Variants in SPMIP11 observed in about 807,000 individuals in gnomAD.
SPMIP11 encodes the protein long intergenic non-protein coding RNA 935.
chr12:48,744,262 A>G, the SPMIP11 span, among the ~76,000 whole-genome samples: 2 of 150,584 alleles, frequency 1.3e-5, no homozygotes, highest in East Asian at 4.0e-4. Flanking sequence ...AAAAAAAAAA[A>G]AAAAAGTGTG....
the SPMIP11 span, among the ~76,000 whole-genome samples, chr12:48,748,490 C>T: frequency 8.7e-5 from 13 of 149,904 alleles, no homozygotes; most frequent in Non-Finnish European, 8.9e-5. Flanking sequence ...TTTATACTCA[C>T]GGTCTAGAAA....
chr12:48,768,508 CCTGCCA>C, the SPMIP11 span: 101 of 1,601,700 alleles, frequency 6.3e-5, no homozygotes, highest in African/African-American at 2.7e-4. Context: ...CTCAGTGCCC[CCTGCCA>C]CAGCTCCACC....
At chr12:48,757,412 C>T in the SPMIP11 span, among the ~76,000 whole-genome samples, 1 of 151,916 alleles carries the variant, frequency 6.6e-6, no homozygotes, top group Non-Finnish European at 1.5e-5. Context: ...CTTTGGGAGG[C>T]GGAGGCAGGT....
At chr12:48,730,272 C>G in the SPMIP11 span, among the ~76,000 whole-genome samples, 1 of 152,020 alleles carries the variant, frequency 6.6e-6, no homozygotes, top group Non-Finnish European at 1.5e-5. Flanking sequence ...AGAAGTATCC[C>G]GATATCATCT....
chr12:48,727,736 G>C, the SPMIP11 span, among the ~76,000 whole-genome samples: 1 of 152,166 alleles, frequency 6.6e-6, no homozygotes, highest in Non-Finnish European at 1.5e-5. Flanking sequence ...TTGCTCTCCT[G>C]TCATTTAATA....
At chr12:48,755,219 G>C in the SPMIP11 span, among the ~76,000 whole-genome samples, 1 of 152,116 alleles carries the variant, frequency 6.6e-6, no homozygotes. Flanking sequence ...GTCCTTCATA[G>C]TCTCTTCAAA....
the SPMIP11 span, chr12:48,764,956 G>A: frequency 4.8e-5 from 34 of 702,770 alleles, no homozygotes; most frequent in Admixed American, 2.6e-4. Context: ...CCATGGATCC[G>A]GAGCCCACGC....
chr12:48,729,289 A>G, the SPMIP11 span, among the ~76,000 whole-genome samples: 2 of 151,982 alleles, frequency 1.3e-5, no homozygotes, highest in South Asian at 4.2e-4. Context: ...TAATCCCAGC[A>G]CTTTGGGAGG....
chr12:48,760,896 A>T, the SPMIP11 span, among the ~76,000 whole-genome samples: 1 of 152,192 alleles, frequency 6.6e-6, no homozygotes. Flanking sequence ...AATCTTTCAA[A>T]ATTATTGGGA....
chr12:48,770,776 C>A, the SPMIP11 span: 1 of 1,614,040 alleles, frequency 6.2e-7, no homozygotes, highest in Non-Finnish European at 8.5e-7. Context: ...CAATCTTCAT[C>A]TGGAAATTGT....
the SPMIP11 span, among the ~76,000 whole-genome samples, chr12:48,740,299 A>G: frequency 6.6e-6 from 1 of 152,074 alleles, no homozygotes; most frequent in Non-Finnish European, 1.5e-5. Context: ...CTACTATAAT[A>G]TCTATTTTTT....
At chr12:48,728,812 T>A in the SPMIP11 span, among the ~76,000 whole-genome samples, 4 of 146,050 alleles carry the variant, frequency 2.7e-5, no homozygotes, top group South Asian at 8.6e-4. Context: ...TGGGTACACA[T>A]AAAGGGTAAA....
chr12:48,733,552 A>G, the SPMIP11 span, among the ~76,000 whole-genome samples: 1 of 152,152 alleles, frequency 6.6e-6, no homozygotes, highest in African/African-American at 2.4e-5. Context: ...GAGTAGAGTG[A>G]TGAAATTTTG....
the SPMIP11 span, among the ~76,000 whole-genome samples, chr12:48,754,456 G>A: frequency 6.6e-6 from 1 of 151,744 alleles, no homozygotes; most frequent in East Asian, 1.9e-4. Flanking sequence ...CCAGCCTGAG[G>A]CATTTTTTTT....
the SPMIP11 span, chr12:48,769,120 AT>A: frequency 6.8e-7 from 1 of 1,461,314 alleles, no homozygotes; most frequent in African/African-American, 1.4e-5. Context: ...CCAGGGAGTC[AT>A]CCCACCTCCT....
chr12:48,765,178 G>GT, the SPMIP11 span, among the ~76,000 whole-genome samples: 2 of 152,216 alleles, frequency 1.3e-5, no homozygotes, highest in African/African-American at 4.8e-5. Context: ...AGATTTGTCT[G>GT]TGTCTTTGTG....
the SPMIP11 span, among the ~76,000 whole-genome samples, chr12:48,765,955 T>C: frequency 6.6e-6 from 1 of 152,144 alleles, no homozygotes; most frequent in Non-Finnish European, 1.5e-5. Context: ...GCTTCATGCA[T>C]GGCAGGGGTC....
chr12:48,756,640 T>C, the SPMIP11 span, among the ~76,000 whole-genome samples: 8 of 152,102 alleles, frequency 5.3e-5, no homozygotes, highest in African/African-American at 1.7e-4. Context: ...AAGAGAATGG[T>C]AAACTGATCC....
At chr12:48,749,669 T>C in the SPMIP11 span, among the ~76,000 whole-genome samples, 1 of 145,814 alleles carries the variant, frequency 6.9e-6, no homozygotes, top group Non-Finnish European at 1.5e-5. Context: ...AAAGAGTTGT[T>C]TTTTCTGTCT....
Sources: gnomAD v4.1 joint callset for allele counts (sites outside exome capture counted in the v4.1 genomes callset) on GRCh38, gnomAD v4.1.1 for gene constraint, MANE v1.5 for transcripts, NCBI Gene and HGNC (gene_info 2026-07-23, HGNC 2026-07-21) for gene names.